The following PCNX1 variants were observed in gnomAD, a reference collection of about 807,000 sequenced individuals.
The protein encoded by PCNX1 is pecanex-like protein 1.
A neutral mutation model predicts 242.2 loss-of-function variants in PCNX1; 78 were observed. The observed-to-expected ratio is 0.32, with a 90% confidence interval of 0.27 to 0.39. PCNX1 has a LOEUF of 0.39. Among genes scored for constraint, PCNX1 ranks in the 10% least tolerant of loss-of-function variants. The pLI is 1.00. For missense variants in PCNX1, 2,581 were observed against 2,856.5 expected (o/e 0.90, Z 2.20); for synonymous variants, 1,024 against 1,032.9 (o/e 0.99, Z 0.17).
intron 18 of PCNX1, 134 bp from the exon 19 acceptor site, chr14:71,035,929 CTT>C (rs879468046): frequency 5.7e-5 from 27 of 476,948 alleles, no homozygotes; most frequent in Non-Finnish European, 7.4e-5. Flanking sequence ...ATGAAAACTT[CTT>C]TTTTTTTTTC....
chr14:71,072,447 T>C (rs561171033), intron 26 of PCNX1, among the ~76,000 whole-genome samples: 1 of 152,336 alleles, frequency 6.6e-6, no homozygotes, highest in East Asian at 1.9e-4. Flanking sequence ...TTGAGGGCTA[T>C]AGAGTGCTAA....
At chr14:71,016,009 G>A (rs992818958) in intron 11 of PCNX1, among the ~76,000 whole-genome samples, 3 of 152,068 alleles carry the variant, frequency 2.0e-5, no homozygotes, top group African/African-American at 7.2e-5. Flanking sequence ...CCTGGGCAAC[G>A]TAGACCCAGT....
At chr14:70,968,720 A>G (rs2058453708) in intron 4 of PCNX1, among the ~76,000 whole-genome samples, 1 of 152,238 alleles carries the variant, frequency 6.6e-6, no homozygotes, top group African/African-American at 2.4e-5. Flanking sequence ...GGGTCAAGTT[A>G]TGTAATTTGC....
intron 3 of PCNX1, among the ~76,000 whole-genome samples, chr14:70,962,998 A>C (rs1378709801): frequency 6.6e-6 from 1 of 152,240 alleles, no homozygotes; most frequent in African/African-American, 2.4e-5. Context: ...AGACCTTTAC[A>C]TAACTATAGG....
chr14:70,994,820 ATAAGT>A (rs1040309188), intron 7 of PCNX1, among the ~76,000 whole-genome samples: 6 of 152,096 alleles, frequency 3.9e-5, no homozygotes, highest in African/African-American at 9.7e-5. Flanking sequence ...AAAGTATAAA[ATAAGT>A]TAATATAGTC....
intron 28 of PCNX1, among the ~76,000 whole-genome samples, chr14:71,083,466 T>C (rs1224596170): frequency 6.6e-6 from 1 of 152,164 alleles, no homozygotes; most frequent in East Asian, 1.9e-4. Flanking sequence ...TTCCATTCTC[T>C]GCATCACTTT....
rs1380111544 is a variant in PCNX1, at chr14:71,065,865, T to C, written c.4853-7680T>C. Among the ~76,000 whole-genome samples, 5 of 152,210 alleles carry C rather than the reference T, an allele frequency of 3.3e-5. No homozygotes were observed. In the East Asian group the frequency reaches 9.6e-4, roughly 29 times the overall value. ...AGTTTTCCCAACACCATTTATTAAATAGGGAGTCCTTTCCCCATTGCTTGT... is the reference window on the plus strand; with the variant it reads ...AGTTTTCCCAACACCATTTATTAAACAGGGAGTCCTTTCCCCATTGCTTGT... On this transcript the variant is annotated intron_variant, in intron 26 of 35. Coordinates refer to ENST00000304743, the MANE Select transcript of PCNX1 (RefSeq NM_014982.3).
Position 71,110,564 on chromosome 14 carries a change from C to T in PCNX1, c.*629C>T, listed in dbSNP as rs1157722243. On this transcript the variant is annotated 3_prime_UTR_variant, in exon 36 of 36. Coordinates refer to ENST00000304743, the MANE Select transcript of PCNX1 (RefSeq NM_014982.3). ...TTATTTATATATAAAAATAAAATAC[C>T]ATTATTTAAATTGCCTTTGGGATTA... 6.6e-6 allele frequency: 1 copy of T among 152,668 alleles called. No individual in the cohort carries two copies. Among genetic ancestry groups the T allele is most frequent in the Non-Finnish European group, 1.5e-5 (1 of 68,276 alleles). The allele number at this position is 152,668 out of a possible 1,614,324, so 9.5% of individuals were successfully genotyped here.
Position 71,057,677 on chromosome 14 carries a change from T to C in PCNX1, c.4805T>C (p.Ile1602Thr), listed in dbSNP as rs1231679070. ...AATGCATTAGTACACCTTATAGAGA[T>C]AGGCAATGGTCTGGTCACTTTTCAG... ...YLNALVHLIE[I>T]GNGLVTFQLR... Residue 1602 changes from isoleucine (I) to threonine (T), a missense_variant, in exon 26 of 36, where the codon ATA becomes ACA. Physicochemically the swap from Ile to Thr is moderately conservative, Grantham distance 89. Transcript: ENST00000304743. 19 of 1,613,924 alleles carry C rather than the reference T, an allele frequency of 1.2e-5. No homozygotes were observed. The highest frequency in any genetic ancestry group is 6.7e-5 in the East Asian group (3 of 44,886).
intron 22 of PCNX1, 41 bp downstream of exon 22, chr14:71,048,025 T>C: frequency 6.9e-7 from 1 of 1,457,886 alleles, no homozygotes; most frequent in Non-Finnish European, 9.5e-7. Flanking sequence ...CTATAAAAAC[T>C]ATCTCCCTGG....
chr14:71,087,571 T>C (rs1417221551), intron 28 of PCNX1, among the ~76,000 whole-genome samples: 1 of 152,132 alleles, frequency 6.6e-6, no homozygotes, highest in Non-Finnish European at 1.5e-5. Flanking sequence ...TGACCCCACC[T>C]CCAGAATTTG....
chr14:70,963,448 T>G (rs532522764), intron 3 of PCNX1, among the ~76,000 whole-genome samples: 1 of 152,336 alleles, frequency 6.6e-6, no homozygotes, highest in Non-Finnish European at 1.5e-5. Context: ...CAGACCTAGC[T>G]TCTCATTTAA....
chr14:70,915,985 A>G (rs2056137570), intron 1 of PCNX1, among the ~76,000 whole-genome samples: 1 of 152,152 alleles, frequency 6.6e-6, no homozygotes, highest in Non-Finnish European at 1.5e-5. Context: ...AGGAAGGGAT[A>G]AACAGTTCAT....
chr14:71,051,616 A>T (rs567650319), intron 23 of PCNX1, among the ~76,000 whole-genome samples: 10 of 152,270 alleles, frequency 6.6e-5, no homozygotes, highest in South Asian at 2.1e-4. Flanking sequence ...TCTCTTCCCA[A>T]GATTAATATA....
chr14:71,041,476 T>C (rs548080733), intron 19 of PCNX1, among the ~76,000 whole-genome samples: 1 of 152,306 alleles, frequency 6.6e-6, no homozygotes, highest in South Asian at 2.1e-4. Context: ...GATTTTCCAA[T>C]TTATTCACAT....
intron 30 of PCNX1, among the ~76,000 whole-genome samples, chr14:71,092,187 A>T (rs1595486698): frequency 6.6e-6 from 1 of 152,244 alleles, no homozygotes; most frequent in African/African-American, 2.4e-5. Flanking sequence ...CTTAAGGACA[A>T]GTGTGGAAAA....
chr14:71,065,461 G>A (rs1158888103), intron 26 of PCNX1, among the ~76,000 whole-genome samples: 2 of 152,134 alleles, frequency 1.3e-5, no homozygotes, highest in East Asian at 3.9e-4. Context: ...TTTTTCGATG[G>A]GGTTGTTTGT....
At position 71,047,983 on chromosome 14, in the gene PCNX1, A is replaced by G; in HGVS notation, c.4337A>G (p.Lys1446Arg). The G allele has an allele frequency of 6.2e-7, 1 of 1,605,962 alleles. No homozygotes were observed. The highest frequency in any genetic ancestry group is 8.5e-7 in the Non-Finnish European group (1 of 1,174,444). ...TTCTTTATGTCCATACTCTTCAACA[A>G]GGTAATTTATCACTGAAAGGAATAT... is the stretch of plus-strand genomic sequence containing the variant. ...DLFFMSILFN[K>R]LWELLYKLQF... The change falls in exon 22 of 36, where the codon AAG (lysine) becomes AGG (arginine). Residue 1446 changes from lysine to arginine, a missense_variant and splice_region_variant. Physicochemically the swap from Lys to Arg is conservative, Grantham distance 26. Coordinates refer to ENST00000304743, the MANE Select transcript of PCNX1 (RefSeq NM_014982.3).
chr14:70,955,659 A>G (rs2057964569), intron 2 of PCNX1, among the ~76,000 whole-genome samples: 1 of 152,172 alleles, frequency 6.6e-6, no homozygotes, highest in Non-Finnish European at 1.5e-5. Flanking sequence ...CCACTTTGCT[A>G]CTGTGAGAAT....
Sources: allele counts gnomAD v4.1 joint callset (sites outside exome capture counted in the v4.1 genomes callset), GRCh38; gene constraint gnomAD v4.1.1; transcripts MANE v1.5; gene names NCBI Gene and HGNC (gene_info 2026-07-23, HGNC 2026-07-21).